SMIM41: variants seen among roughly 807,000 people sequenced by gnomAD.
The protein encoded by SMIM41 is small integral membrane protein 41.
At chr12:52,097,566 T>A (rs896475235) in intron 2 of SMIM41, among the ~76,000 whole-genome samples, 7 of 152,082 alleles carry the variant, frequency 4.6e-5, no homozygotes, top group African/African-American at 1.4e-4. Context: ...TCCAGTAAGA[T>A]CATCTTTTCT....
intron 2 of SMIM41, among the ~76,000 whole-genome samples, chr12:52,089,110 CT>C (rs1455151720): frequency 6.6e-6 from 1 of 152,022 alleles, no homozygotes; most frequent in African/African-American, 2.4e-5. Flanking sequence ...TGCCTGCTTT[CT>C]TGTGATGTGA....
At chr12:52,093,805 G>T (rs1489593482) in intron 2 of SMIM41, among the ~76,000 whole-genome samples, 1 of 152,180 alleles carries the variant, frequency 6.6e-6, no homozygotes, top group East Asian at 1.9e-4. Flanking sequence ...TATTCAATTG[G>T]ATTATCATTC....
intron 2 of SMIM41, among the ~76,000 whole-genome samples, chr12:52,088,491 G>A (rs1939926820): frequency 6.6e-6 from 1 of 152,162 alleles, no homozygotes; most frequent in Non-Finnish European, 1.5e-5. Flanking sequence ...CCACAGCCAG[G>A]TTCTTCCCTC....
chr12:52,094,811 C>A (rs1329469697), intron 2 of SMIM41: 1 of 152,362 alleles, frequency 6.6e-6, no homozygotes, highest in African/African-American at 2.4e-5. Flanking sequence ...TGAGCGTCTT[C>A]ACATGGTGCT....
At chr12:52,099,777 T>C (rs1046882943) in intron 2 of SMIM41, among the ~76,000 whole-genome samples, 1 of 151,660 alleles carries the variant, frequency 6.6e-6, no homozygotes. Context: ...GAAAGTATCA[T>C]CCTCTTTTTC....
intron 2 of SMIM41, among the ~76,000 whole-genome samples, chr12:52,101,817 A>AT: frequency 6.6e-6 from 1 of 151,708 alleles, no homozygotes; most frequent in East Asian, 1.9e-4. Flanking sequence ...GGTTCAAGTG[A>AT]TTCTCCTGCC....
chr12:52,100,123 T>C (rs1029319530), intron 2 of SMIM41, among the ~76,000 whole-genome samples: 3 of 152,066 alleles, frequency 2.0e-5, no homozygotes, highest in Non-Finnish European at 4.4e-5. Flanking sequence ...AGCGCGGGTA[T>C]ACATTTCCTA....
intron 2 of SMIM41, among the ~76,000 whole-genome samples, chr12:52,093,815 C>T (rs1045172110): frequency 1.1e-4 from 16 of 152,122 alleles, no homozygotes; most frequent in Non-Finnish European, 2.2e-4. Context: ...GATTATCATT[C>T]AACAAAAGCA....
chr12:52,088,729 C>CAAAG (rs1405485174), intron 2 of SMIM41, among the ~76,000 whole-genome samples: 3 of 152,328 alleles, frequency 2.0e-5, no homozygotes, highest in Admixed American at 6.5e-5. Flanking sequence ...GAGTCGTCTT[C>CAAAG]AGCAGAGGCG....
Position 52,081,193 on chromosome 12 carries a change from A to G in SMIM41, c.*120+1012A>G, listed in dbSNP as rs1939814357. Among the ~76,000 whole-genome samples, 1 of 151,946 alleles carries G rather than the reference A, an allele frequency of 6.6e-6. No individual in the cohort carries two copies. The highest frequency in any genetic ancestry group is 1.5e-5 in the Non-Finnish European group (1 of 67,964). ...GTTCCTTCCCTCTGTTCAGCTTTGT[A>G]CCTAGGAGCCCTGGGGGTTTCTGTG... is the stretch of plus-strand genomic sequence containing the variant. On this transcript the variant is annotated intron_variant, in intron 1 of 2. Transcript: ENST00000546390. The surrounding 1 kb of genome is among the most constrained non-coding windows in gnomAD (Gnocchi z 4.1).
At chr12:52,095,798 T>A (rs1486440886) in intron 2 of SMIM41, among the ~76,000 whole-genome samples, 1 of 152,026 alleles carries the variant, frequency 6.6e-6, no homozygotes, top group Non-Finnish European at 1.5e-5. Context: ...AAGAAGAATA[T>A]TATCCTCTCC....
chr12:52,092,819 TA>T (rs1940026727), intron 2 of SMIM41: 1 of 152,250 alleles, frequency 6.6e-6, no homozygotes, highest in African/African-American at 2.4e-5. Flanking sequence ...GCCATGTTAC[TA>T]AATTTAAATT....
intron 2 of SMIM41, among the ~76,000 whole-genome samples, chr12:52,086,473 A>C (rs748718896): frequency 2.6e-5 from 4 of 152,310 alleles, no homozygotes; most frequent in Admixed American, 6.5e-5. Flanking sequence ...TAGGCATAAT[A>C]AGACAATAAA....
intron 2 of SMIM41, among the ~76,000 whole-genome samples, chr12:52,099,518 G>A (rs558571836): frequency 7.9e-5 from 12 of 152,028 alleles, no homozygotes; most frequent in Admixed American, 4.6e-4. Context: ...CGGGGTGGGG[G>A]GTGTACATCC....
chr12:52,096,711 C>T (rs1014821247), intron 2 of SMIM41, among the ~76,000 whole-genome samples: 11 of 151,298 alleles, frequency 7.3e-5, no homozygotes, highest in Non-Finnish European at 1.3e-4. Context: ...TGCATATTGT[C>T]ATTATTATCG....
rs552488377 is a variant in SMIM41 at position 52,107,593 on chromosome 12, G to A, written c.*410G>A. On this transcript the variant is annotated 3_prime_UTR_variant, in exon 3 of 3. Coordinates refer to ENST00000546390, the MANE Select transcript of SMIM41 (RefSeq NM_001369216.1). ...CAGATGACTGTGGACATCCAGTCTC[G>A]CAGCAGAGTCATCTCCTATGCAGGC... 3.3e-5 allele frequency: 22 copies of A among 665,614 alleles called. No homozygotes were observed. The highest frequency in any genetic ancestry group is 2.3e-4 in the African/African-American group (13 of 55,394). 41.2% of individuals were successfully genotyped at this position (665,614 alleles called of 1,614,324 possible).
In SMIM41 at chr12:52,097,722, C is replaced by G. The variant is rs143720987; in HGVS notation, c.*196-9657C>G. Among the ~76,000 whole-genome samples, 1,002 of 152,092 alleles carry G rather than the reference C, an allele frequency of 6.6e-3. 6 individuals are homozygous for G. The highest frequency in any genetic ancestry group is 0.048 in the Middle Eastern group (14 of 294). On this transcript the variant is annotated intron_variant, in intron 2 of 2. Transcript: ENST00000546390. ...CATATGGGAGTCATATGATACTTGC[C>G]GTCCATATATTAAGAACAATACCAA...
intron 2 of SMIM41, among the ~76,000 whole-genome samples, chr12:52,104,852 A>G (rs7315225): frequency 0.011 from 1,623 of 152,260 alleles, 22 homozygotes; most frequent in African/African-American, 0.037. Context: ...GACAGACACC[A>G]TGGCATCATG....
chr12:52,093,895 C>T (rs1940045261), intron 2 of SMIM41, among the ~76,000 whole-genome samples: 1 of 152,042 alleles, frequency 6.6e-6, no homozygotes, highest in Non-Finnish European at 1.5e-5. Context: ...CTTTGGGAGG[C>T]CGAGGCAGGT....
Sources: gnomAD v4.1 joint callset for allele counts (sites outside exome capture counted in the v4.1 genomes callset) on GRCh38, gnomAD v4.1.1 for gene constraint, Gnocchi (gnomAD v3.1) non-coding constraint, MANE v1.5 for transcripts, NCBI Gene and HGNC (gene_info 2026-07-23, HGNC 2026-07-21) for gene names.